Variants in PPP1R7 observed in about 807,000 individuals in gnomAD.
PPP1R7 encodes protein phosphatase 1 regulatory subunit 22.
A neutral mutation model predicts 45.2 loss-of-function variants in PPP1R7; 18 were observed. The observed-to-expected ratio is 0.40, with a 90% confidence interval of 0.28 to 0.59. The LOEUF is 0.59. Among genes scored for constraint, PPP1R7 ranks in the 20% least tolerant of loss-of-function variants. The pLI is 0.46. For synonymous variants in PPP1R7, 181 were observed against 183.4 expected, an observed-to-expected ratio of 0.99 and a Z score of 0.11; for missense variants, 314 against 455.8, an observed-to-expected ratio of 0.69 and a Z score of 2.83.
chr2:241,151,137 GTA>G (rs1420806632), intron 1 of PPP1R7, among the ~76,000 whole-genome samples: 2 of 152,134 alleles, frequency 1.3e-5, no homozygotes, highest in Non-Finnish European at 2.9e-5. Flanking sequence ...ATGCATATAT[GTA>G]TATGTTATAC....
upstream of PPP1R7, chr2:241,149,668 C>T (rs543571805): frequency 1.3e-6 from 2 of 1,545,846 alleles, no homozygotes; most frequent in Non-Finnish European, 1.7e-6. Context: ...CGCCCCCGGG[C>T]CGGGCAGATG....
At chr2:241,153,054 G>A (rs1348585788) in intron 1 of PPP1R7, among the ~76,000 whole-genome samples, 1 of 152,142 alleles carries the variant, frequency 6.6e-6, no homozygotes, top group Admixed American at 6.5e-5. Context: ...GGTTTTCTTA[G>A]CCAGATAAAT....
intron 2 of PPP1R7, among the ~76,000 whole-genome samples, chr2:241,156,944 G>A (rs141052069): frequency 9.9e-5 from 15 of 152,106 alleles, no homozygotes; most frequent in East Asian, 5.8e-4. Flanking sequence ...GTGTGCATAC[G>A]TGCCTGTGTG....
At chr2:241,180,730 C>G (rs547718698) in intron 9 of PPP1R7, among the ~76,000 whole-genome samples, 1 of 151,680 alleles carries the variant, frequency 6.6e-6, no homozygotes, top group South Asian at 2.1e-4. Context: ...AAGGTACGCT[C>G]ACGTCCCGTC....
rs11741 is a variant in PPP1R7 at position 241,183,405 on chromosome 2, G to A, written c.*582G>A. On this transcript the variant is annotated 3_prime_UTR_variant, in exon 10 of 10. Coordinates refer to ENST00000234038, the MANE Select transcript of PPP1R7 (RefSeq NM_002712.3). ...GCTCTCCTTCAAAGAGCGCCGGGCA[G>A]GGCTGACTGTTTTCACGTGTGCCCG... 0.08 allele frequency: 37,568 copies of A among 470,916 alleles called. 5,040 individuals are homozygous for A. The highest frequency in any genetic ancestry group is 0.36 in the African/African-American group (18,275 of 50,120). The allele number at this position is 470,916 out of a possible 1,614,324, so 29.2% of individuals were successfully genotyped here. A position where few individuals can be genotyped will look rare whatever the true frequency, so the allele number is the denominator to read the frequency against.
Position 241,159,319 on chromosome 2 carries a change from A to C in PPP1R7, c.410A>C (p.Asn137Thr). 1 of 1,613,576 alleles carries C rather than the reference A, an allele frequency of 6.2e-7. No individual in the cohort carries two copies. Residue 137 changes from asparagine (N) to threonine (T), a missense_variant, in exon 5 of 10, where the codon AAT becomes ACT. This residue lies in a region of PPP1R7 where 168 missense variants were observed against 285.3 expected (regional missense o/e 0.59). Coordinates refer to ENST00000234038, the MANE Select transcript of PPP1R7 (RefSeq NM_002712.3). ...LYDNQIKKIE[N>T]LEALTELEIL... ...GACAACCAGATCAAGAAGATTGAGA[A>C]TCTGGAGGCGCTAACAGAGCTGGAG...
chr2:241,166,467 G>T, intron 8 of PPP1R7, 26 bp downstream of exon 8: 3 of 1,605,472 alleles, frequency 1.9e-6, no homozygotes, highest in Non-Finnish European at 2.6e-6. Flanking sequence ...TCTGTCTGGG[G>T]CTGTGTGGGC....
At chr2:241,152,384 A>C (rs1036483616) in intron 1 of PPP1R7, among the ~76,000 whole-genome samples, 2 of 152,226 alleles carry the variant, frequency 1.3e-5, no homozygotes, top group African/African-American at 2.4e-5. Flanking sequence ...ACTCTCTGGC[A>C]GGGGAGAATA....
At chr2:241,177,591 A>G (rs916671606) in intron 9 of PPP1R7, among the ~76,000 whole-genome samples, 2 of 152,234 alleles carry the variant, frequency 1.3e-5, no homozygotes, top group African/African-American at 4.8e-5. Context: ...AAAGTTCTTT[A>G]AAGTGAAAGA....
chr2:241,172,154 C>CTT (rs34924573), intron 9 of PPP1R7, among the ~76,000 whole-genome samples: 2,695 of 143,822 alleles, frequency 0.019, 86 homozygotes, highest in African/African-American at 0.062. Flanking sequence ...TTTGGAGTGA[C>CTT]TTTTTTTTTT....
chr2:241,169,636 C>T, intron 8 of PPP1R7, 145 bp from the exon 9 acceptor site: 3 of 628,578 alleles, frequency 4.8e-6, no homozygotes, highest in East Asian at 5.6e-5. Context: ...GTCTCGTCAC[C>T]CTCCATAGCA....
chr2:241,181,375 T>C (rs1488643685), intron 9 of PPP1R7, among the ~76,000 whole-genome samples: 1 of 152,006 alleles, frequency 6.6e-6, no homozygotes, highest in East Asian at 1.9e-4. Context: ...AACAACTCTA[T>C]TCAGGCAGTG....
Position 241,159,465 on chromosome 2 carries a change from G to T in PPP1R7, c.434+122G>T, listed in dbSNP as rs78906477. The T allele has an allele frequency of 5.4e-3, 6,712 of 1,253,320 alleles. 242 individuals are homozygous for T. The African/African-American group carries it at 0.087, about 16-fold the overall frequency. The allele number at this position is 1,253,320 out of a possible 1,614,324, so 77.6% of individuals were successfully genotyped here. A position where few individuals can be genotyped will look rare whatever the true frequency, so the allele number is the denominator to read the frequency against. ...CTTGAGAGGCTGCCTCTGCCACAGG[G>T]TCCTGCCCTGCATCTGAATCCCAAG... On this transcript the variant is annotated intron_variant, in intron 5 of 9. Coordinates refer to ENST00000234038, the MANE Select transcript of PPP1R7 (RefSeq NM_002712.3).
At chr2:241,158,861 C>T (rs919388463) in intron 4 of PPP1R7, 2 of 432,696 alleles carry the variant, frequency 4.6e-6, no homozygotes, top group Non-Finnish European at 8.5e-6. Flanking sequence ...CTCCGTGCCT[C>T]TCATTGGAAT....
chr2:241,150,629 A>G (rs921319904), intron 1 of PPP1R7, 82 bp downstream of exon 1: 4 of 1,426,418 alleles, frequency 2.8e-6, no homozygotes, highest in East Asian at 3.0e-5. Context: ...TGCCTGAGAG[A>G]AACTCCACGT....
At chr2:241,173,526 G>T (rs2067854658) in intron 9 of PPP1R7, among the ~76,000 whole-genome samples, 1 of 152,068 alleles carries the variant, frequency 6.6e-6, no homozygotes, top group Non-Finnish European at 1.5e-5. Flanking sequence ...TTTGCAACTT[G>T]AATATAGCGT....
chr2:241,163,757 C>T (rs1427236010), intron 7 of PPP1R7, among the ~76,000 whole-genome samples: 1 of 152,172 alleles, frequency 6.6e-6, no homozygotes, highest in African/African-American at 2.4e-5. Flanking sequence ...GCATGCACCA[C>T]GACCTTCAGC....
Position 241,182,967 on chromosome 2 carries a change from C to T in PPP1R7, c.*144C>T, listed in dbSNP as rs1360423334. The T allele has an allele frequency of 1.5e-5, 13 of 875,676 alleles. No homozygotes were observed. Among genetic ancestry groups the T allele is most frequent in the South Asian group, 8.9e-5 (5 of 56,306 alleles). 54.2% of individuals were successfully genotyped at this position (875,676 alleles called of 1,614,324 possible). A position where few individuals can be genotyped will look rare whatever the true frequency, so the allele number is the denominator to read the frequency against. On this transcript the variant is annotated 3_prime_UTR_variant, in exon 10 of 10. Coordinates refer to ENST00000234038, the MANE Select transcript of PPP1R7 (RefSeq NM_002712.3). The stretch of plus-strand genomic sequence containing the variant: ...ATAAAGGCACTGACGATAGCTGGCG[C>T]GCGCGACGTCACACACCATTTTCAG...
chr2:241,158,988 T>G, intron 4 of PPP1R7: 1 of 538,964 alleles, frequency 1.9e-6, no homozygotes, highest in South Asian at 2.1e-5. Flanking sequence ...GCCTGCCTCC[T>G]GCCTCCCTTT....
Sources: allele counts gnomAD v4.1 joint callset (sites outside exome capture counted in the v4.1 genomes callset), GRCh38; gene constraint gnomAD v4.1.1; regional missense constraint gnomAD v4.1.1; transcripts MANE v1.5; gene names NCBI Gene and HGNC (gene_info 2026-07-23, HGNC 2026-07-21).